TSEN2: variants seen among roughly 807,000 people sequenced by gnomAD.
TSEN2 encodes the protein tRNA splicing endonuclease subunit 2.
In TSEN2, 54 loss-of-function variants were observed where a neutral mutation model predicts 59.2. The ratio of observed to expected loss-of-function variants is 0.91; its 90% confidence interval spans 0.73 to 1.14. The LOEUF (loss-of-function observed/expected upper bound fraction) is 1.14, where lower values mean the gene tolerates loss of function less well. Among genes scored for constraint, TSEN2 ranks in the 50% most tolerant of loss-of-function variants. The pLI, the probability that TSEN2 is intolerant of heterozygous loss-of-function variation, is 0.00. For missense variants in TSEN2, 636 were observed against 576.2 expected, an observed-to-expected ratio of 1.10 and a Z score of -1.06; for synonymous variants, 195 against 198.2, an observed-to-expected ratio of 0.98 and a Z score of 0.14.
intron 8 of TSEN2, among the ~76,000 whole-genome samples, chr3:12,526,888 A>T (rs1247479339): frequency 6.6e-6 from 1 of 152,232 alleles, no homozygotes; most frequent in Non-Finnish European, 1.5e-5. Flanking sequence ...CTCCAGGTGC[A>T]TATTGGATTA....
At chr3:12,502,490 C>T (rs1187485115) in intron 4 of TSEN2, among the ~76,000 whole-genome samples, 4 of 152,016 alleles carry the variant, frequency 2.6e-5, no homozygotes, top group South Asian at 2.1e-4. Context: ...GAGCCGAAAT[C>T]GTGCCACTGC....
chr3:12,523,815 C>T (rs887803841), intron 8 of TSEN2, among the ~76,000 whole-genome samples: 1 of 152,106 alleles, frequency 6.6e-6, no homozygotes, highest in African/African-American at 2.4e-5. Context: ...GCTGGAATTA[C>T]AGGCGTGAGC....
At chr3:12,537,558 T>C (rs992709262), downstream of TSEN2, among the ~76,000 whole-genome samples, 1 of 152,232 alleles carries the variant, frequency 6.6e-6, no homozygotes, top group African/African-American at 2.4e-5. Flanking sequence ...TTCTCCTTTT[T>C]CTTCTCTAAT....
At chr3:12,513,477 AT>A (rs2055717913) in intron 6 of TSEN2, among the ~76,000 whole-genome samples, 1 of 152,236 alleles carries the variant, frequency 6.6e-6, no homozygotes, top group Non-Finnish European at 1.5e-5. Context: ...TTCATAGCTT[AT>A]TAAATCTTTG....
At chr3:12,491,135 C>T (rs1228794983) in intron 2 of TSEN2, among the ~76,000 whole-genome samples, 21 of 151,956 alleles carry the variant, frequency 1.4e-4, no homozygotes, top group Non-Finnish European at 1.9e-4. Flanking sequence ...GGACTACAGG[C>T]GCATGCCACC....
intron 1 of TSEN2, among the ~76,000 whole-genome samples, chr3:12,486,803 C>G (rs773288897): frequency 2.0e-5 from 3 of 152,130 alleles, no homozygotes; most frequent in Non-Finnish European, 2.9e-5. Flanking sequence ...TTAATTGTCT[C>G]GTGGTCTTTT....
Position 12,504,746 on chromosome 3 carries a change from C to T in TSEN2, c.832-408C>T, listed in dbSNP as rs546044049. ...AATAAAAAAGCACTTCTTGGCCAAG[C>T]GTGGTGCCTCACACCTGTAATCAAC... is the stretch of plus-strand genomic sequence containing the variant. On this transcript the variant is annotated intron_variant, in intron 5 of 11. Coordinates refer to ENST00000284995, the MANE Select transcript of TSEN2 (RefSeq NM_025265.4). Among the ~76,000 whole-genome samples, 53 of 152,208 alleles carry T rather than the reference C, an allele frequency of 3.5e-4. 1 individual carries two copies. Among genetic ancestry groups the T allele is most frequent in the Admixed American group, 2.0e-3 (30 of 15,286 alleles).
chr3:12,521,730 G>A (rs1029297484), intron 8 of TSEN2, among the ~76,000 whole-genome samples: 1 of 150,564 alleles, frequency 6.6e-6, no homozygotes, highest in East Asian at 2.0e-4. Context: ...AATAAAAATA[G>A]GCTGGGCGCG....
At chr3:12,532,368 T>C (rs1334143520) in intron 11 of TSEN2, among the ~76,000 whole-genome samples, 1 of 152,208 alleles carries the variant, frequency 6.6e-6, no homozygotes, top group Non-Finnish European at 1.5e-5. Context: ...CTAGCTCTAA[T>C]GTAAAATGCT....
chr3:12,508,871 A>T, intron 6 of TSEN2, among the ~76,000 whole-genome samples: 1 of 152,054 alleles, frequency 6.6e-6, no homozygotes, highest in Admixed American at 6.6e-5. Context: ...TTATTCTTAT[A>T]TTTTTTAGAG....
chr3:12,510,960 A>G lies in TSEN2; in HGVS notation c.910-5651A>G, dbSNP rs996430894. On this transcript the variant is annotated intron_variant, in intron 6 of 11. Transcript: ENST00000284995. ...CTATAAATATATTTATATTCTGCAT[A>G]TATACCCAGACACACAGGAAACTTC... The G allele has an allele frequency of 3.3e-5, 5 of 152,336 alleles. 1 individual carries two copies. The highest frequency in any genetic ancestry group is 7.2e-5 in the African/African-American group (3 of 41,574). 9.4% of individuals were successfully genotyped at this position (152,336 alleles called of 1,614,324 possible).
At chr3:12,480,731 G>GAACTC (rs1486111232), upstream of TSEN2, among the ~76,000 whole-genome samples, 6 of 151,664 alleles carry the variant, frequency 4.0e-5, no homozygotes, top group Admixed American at 1.3e-4. Context: ...ACGGGGTTTT[G>GAACTC]CCATGTTGGC....
At chr3:12,510,938 T>C (rs1303075435) in intron 6 of TSEN2, among the ~76,000 whole-genome samples, 2 of 152,188 alleles carry the variant, frequency 1.3e-5, no homozygotes, top group African/African-American at 2.4e-5. Flanking sequence ...TTTCTCTCTA[T>C]AAATATATTT....
At chr3:12,492,386 T>C (rs1204553581) in intron 3 of TSEN2, among the ~76,000 whole-genome samples, 169 bp downstream of exon 3, 1 of 152,212 alleles carries the variant, frequency 6.6e-6, no homozygotes, top group African/African-American at 2.4e-5. Context: ...AGGGTTATGA[T>C]TGGGTGACAG....
chr3:12,511,569 C>CTT (rs35466636), intron 6 of TSEN2, among the ~76,000 whole-genome samples: 19,817 of 141,006 alleles, frequency 0.14, 1,545 homozygotes, highest in Non-Finnish European at 0.17. Flanking sequence ...GATAATTATG[C>CTT]TTTTTTTTTT....
At chr3:12,496,642 C>A in intron 4 of TSEN2, 88 bp downstream of exon 4, 1 of 1,323,012 alleles carries the variant, frequency 7.6e-7, no homozygotes, top group Non-Finnish European at 1.1e-6. Flanking sequence ...GCAGTCCAGT[C>A]CACACCTTTT....
At chr3:12,533,875 C>A (rs2057604817), downstream of TSEN2, among the ~76,000 whole-genome samples, 1 of 151,966 alleles carries the variant, frequency 6.6e-6, no homozygotes, top group South Asian at 2.1e-4. Flanking sequence ...ATTTTGCAAA[C>A]CGTGATAGCA....
intron 10 of TSEN2, chr3:12,531,278 C>T (rs1158493408): frequency 5.8e-6 from 2 of 343,528 alleles, no homozygotes; most frequent in Non-Finnish European, 1.1e-5. Flanking sequence ...TGTCCAAGAA[C>T]CTATCAAGGA....
downstream of TSEN2, among the ~76,000 whole-genome samples, chr3:12,535,779 G>A (rs1449080949): frequency 6.6e-6 from 1 of 152,068 alleles, no homozygotes; most frequent in Non-Finnish European, 1.5e-5. Flanking sequence ...TAATCTGCCT[G>A]CCTCGGCCTC....
Sources: gnomAD v4.1 joint callset for allele counts (sites outside exome capture counted in the v4.1 genomes callset) on GRCh38, gnomAD v4.1.1 for gene constraint, MANE v1.5 for transcripts, NCBI Gene and HGNC (gene_info 2026-07-23, HGNC 2026-07-21) for gene names.